The following PLXNA4 variants were observed in gnomAD, a reference collection of about 807,000 sequenced individuals.
PLXNA4 encodes the protein plexin-A4.
PLXNA4 carries 44 observed loss-of-function variants against 191.8 expected under a neutral mutation model. That is an observed-to-expected ratio of 0.23 (90% CI 0.18 to 0.29). The LOEUF (loss-of-function observed/expected upper bound fraction) is 0.29, where lower values mean the gene tolerates loss of function less well. PLXNA4 is among the 10% of genes least tolerant of loss of function. The pLI, the probability that PLXNA4 is intolerant of heterozygous loss-of-function variation, is 1.00. For synonymous variants in PLXNA4, 1,082 were observed against 1,009.5 expected (o/e 1.07, Z -1.36); for missense variants, 1,800 against 2,488.8 (o/e 0.72, Z 5.89).
intron 3 of PLXNA4, among the ~76,000 whole-genome samples, chr7:132,299,109 A>G (rs1563020456): frequency 6.6e-6 from 1 of 152,206 alleles, no homozygotes; most frequent in African/African-American, 2.4e-5. Flanking sequence ...ATCCAACATG[A>G]CCGCTGCGCA....
chr7:132,181,596 C>T lies in PLXNA4; in HGVS notation c.3277G>A (p.Glu1093Lys). The T allele has an allele frequency of 6.2e-7, 1 of 1,614,138 alleles. No individual in the cohort carries two copies. Among genetic ancestry groups the T allele is most frequent in the Non-Finnish European group, 8.5e-7 (1 of 1,180,028 alleles). Reference protein sequence around the residue: ...INICEVLNATEMTCQAPALAL... With the variant: ...INICEVLNATKMTCQAPALAL... ...AGGGCGGGCGCCTGACAGGTCATCT[C>T]AGTAGCGTTCAGAACCTCACAGATC... Residue 1093 changes from glutamate to lysine, a missense_variant, in exon 18 of 32, where the codon GAG becomes AAG. Physicochemically the swap from Glu to Lys is moderately conservative, Grantham distance 56. Transcript: ENST00000321063.
At chr7:132,297,232 A>C (rs571879444) in intron 4 of PLXNA4, among the ~76,000 whole-genome samples, 4 of 152,102 alleles carry the variant, frequency 2.6e-5, no homozygotes, top group Admixed American at 2.6e-4. Context: ...ATACATATTC[A>C]TGGGATAGAG....
intron 3 of PLXNA4, among the ~76,000 whole-genome samples, chr7:132,486,381 G>A (rs1563127258): frequency 5.3e-5 from 8 of 152,204 alleles, no homozygotes; most frequent in African/African-American, 1.4e-4. Context: ...TATTGTTCAA[G>A]AAAAAATAAA....
At chr7:132,227,934 A>ATT (rs768559943) in intron 6 of PLXNA4, among the ~76,000 whole-genome samples, 46 of 152,296 alleles carry the variant, frequency 3.0e-4, no homozygotes, top group Non-Finnish European at 3.8e-4. Flanking sequence ...ATTAGGCCCA[A>ATT]TTTTGGAAAA....
chr7:132,507,646 G>A lies in PLXNA4; in HGVS notation c.1048C>T (p.Leu350=). ...SKGQKRKMKS[L]DESALCIFIL... ...AAGATGCACAGGGCCGACTCATCCA[G>A]GGATTTCATTTTCCGCTTCTGGCCC... Residue 350 remains leucine (L), a synonymous_variant, in exon 2 of 32, where the codon CTG becomes TTG. Transcript: ENST00000321063. 6.2e-7 allele frequency: 1 copy of A among 1,614,222 alleles called. No homozygotes were observed. The highest frequency in any genetic ancestry group is 8.5e-7 in the Non-Finnish European group (1 of 1,180,044).
At chr7:132,607,178 G>A (rs144818416) in intron 2 of PLXNA4, among the ~76,000 whole-genome samples, 24 of 152,288 alleles carry the variant, frequency 1.6e-4, no homozygotes, top group African/African-American at 4.3e-4. Flanking sequence ...CAAAAAACCC[G>A]CACCCAGAGC....
intron 3 of PLXNA4, among the ~76,000 whole-genome samples, chr7:132,378,043 C>T (rs146123084): frequency 8.5e-4 from 130 of 152,236 alleles, no homozygotes; most frequent in African/African-American, 3.1e-3. Flanking sequence ...GGAAGAGCAC[C>T]CTAGAAGTTC....
intron 3 of PLXNA4, among the ~76,000 whole-genome samples, chr7:132,382,823 G>A (rs1468961392): frequency 6.6e-6 from 1 of 152,160 alleles, no homozygotes; most frequent in East Asian, 1.9e-4. Flanking sequence ...GTATGTGTAT[G>A]TGAGTGCATA....
chr7:132,641,401 G>A (rs1803740635), intron 2 of PLXNA4, among the ~76,000 whole-genome samples: 2 of 152,090 alleles, frequency 1.3e-5, no homozygotes, highest in African/African-American at 4.8e-5. Context: ...TTTCCTCTGT[G>A]CTCACACATC....
chr7:132,344,617 G>A (rs1010902727), intron 3 of PLXNA4, among the ~76,000 whole-genome samples: 5 of 152,158 alleles, frequency 3.3e-5, no homozygotes, highest in African/African-American at 1.2e-4. Context: ...TGGAGGTTTA[G>A]CTTCCTCCTT....
At chr7:132,449,774 GC>G (rs1339666885) in intron 3 of PLXNA4, among the ~76,000 whole-genome samples, 1 of 152,214 alleles carries the variant, frequency 6.6e-6, no homozygotes, top group East Asian at 1.9e-4. Flanking sequence ...CAACAGAGAG[GC>G]CCATCCTCCC....
At position 132,208,778 on chromosome 7, in the gene PLXNA4, C is replaced by T. The variant is rs543495004; in HGVS notation, c.2298+2165G>A. Among the ~76,000 whole-genome samples, 23 of 152,294 alleles carry T rather than the reference C, an allele frequency of 1.5e-4. No individual in the cohort carries two copies. In the South Asian group the frequency reaches 4.6e-3, roughly 30 times the overall value. ...ACACTGGAGCCCAGCCGTTCCCTTC[C>T]TTTTCCCATGGGTGCCGACCATGGT... On this transcript the variant is annotated intron_variant, in intron 10 of 31. Coordinates refer to ENST00000321063, the MANE Select transcript of PLXNA4 (RefSeq NM_020911.2).
At chr7:132,176,750 G>T (rs1363667000) in intron 20 of PLXNA4, among the ~76,000 whole-genome samples, 1 of 152,032 alleles carries the variant, frequency 6.6e-6, no homozygotes, top group African/African-American at 2.4e-5. Context: ...GAATGTGAGT[G>T]CCTGCGTGGG....
intron 3 of PLXNA4, chr7:132,385,372 C>T (rs774437714): frequency 7.4e-6 from 11 of 1,493,700 alleles, no homozygotes; most frequent in South Asian, 2.8e-5. Context: ...TTCCCCTCCT[C>T]CTTTCTGTTT....
At position 132,130,214 on chromosome 7, in the gene PLXNA4, G is replaced by C. The variant is rs1021454473; in HGVS notation, c.*265C>G. The C allele has an allele frequency of 2.5e-5, 11 of 439,012 alleles. No individual in the cohort carries two copies. Among genetic ancestry groups the C allele is most frequent in the Non-Finnish European group, 4.6e-5 (11 of 240,004 alleles). 27.2% of individuals were successfully genotyped at this position (439,012 alleles called of 1,614,324 possible). ...ACAGAGGCCTCTCTGACATCTTCTG[G>C]TCAGCTCCCTTGCCATGGGCCTGGC... On this transcript the variant is annotated 3_prime_UTR_variant, in exon 32 of 32. Coordinates refer to ENST00000321063, the MANE Select transcript of PLXNA4 (RefSeq NM_020911.2).
intron 3 of PLXNA4, among the ~76,000 whole-genome samples, chr7:132,392,596 CT>C (rs1401850966): frequency 6.6e-6 from 1 of 152,232 alleles, no homozygotes; most frequent in Non-Finnish European, 1.5e-5. Flanking sequence ...CTGGCAGTCA[CT>C]GTCTGGCCTC....
Position 132,129,076 on chromosome 7 carries a change from T to G in PLXNA4, c.*1403A>C, listed in dbSNP as rs1391908971. 2 of 152,366 alleles carry G rather than the reference T, an allele frequency of 1.3e-5. No homozygotes were observed. Among genetic ancestry groups the G allele is most frequent in the East Asian group, 3.9e-4 (2 of 5,190 alleles). 9.4% of individuals were successfully genotyped at this position (152,366 alleles called of 1,614,324 possible). A position where few individuals can be genotyped will look rare whatever the true frequency, so the allele number is the denominator to read the frequency against. On this transcript the variant is annotated 3_prime_UTR_variant, in exon 32 of 32. Coordinates refer to ENST00000321063, the MANE Select transcript of PLXNA4 (RefSeq NM_020911.2). The stretch of plus-strand genomic sequence containing the variant: ...GTAGATGTAAGAACAGATGGGGAGA[T>G]GGATGCCAAGGCCAAGGTCATTTGT...
intron 4 of PLXNA4, among the ~76,000 whole-genome samples, chr7:132,245,636 G>A (rs908976681): frequency 4.6e-5 from 7 of 152,170 alleles, no homozygotes; most frequent in Admixed American, 4.6e-4. Flanking sequence ...TGCACACTCA[G>A]GTTCATAGTG....
chr7:132,259,993 T>C (rs1395566026), intron 4 of PLXNA4, among the ~76,000 whole-genome samples: 1 of 151,920 alleles, frequency 6.6e-6, no homozygotes. Context: ...AAGGCTATTA[T>C]TAAAAAGACA....
Sources: allele counts gnomAD v4.1 joint callset (sites outside exome capture counted in the v4.1 genomes callset), GRCh38; gene constraint gnomAD v4.1.1; transcripts MANE v1.5; gene names NCBI Gene and HGNC (gene_info 2026-07-23, HGNC 2026-07-21).